MET: variants seen among roughly 807,000 people sequenced by gnomAD.
MET encodes the protein hepatocyte growth factor receptor.
Under a neutral mutation model 133.1 loss-of-function variants are expected in MET, and 48 were observed. The observed-to-expected ratio is 0.36, with a 90% CI of 0.29 to 0.46. The LOEUF is 0.46. Ranked by LOEUF, MET falls within the 20% of genes least tolerant of loss-of-function variation. The probability of loss-of-function intolerance (pLI) is 1.00; values close to 1 mark genes in which losing one functional copy is unlikely to be tolerated. For synonymous variants in MET, 628 were observed against 616.5 expected (o/e 1.02, Z -0.28); for missense variants, 1,442 against 1,695.9 (o/e 0.85, Z 2.63).
At chr7:116,733,785 A>G (rs1193748212) in intron 3 of MET, among the ~76,000 whole-genome samples, 2 of 152,190 alleles carry the variant, frequency 1.3e-5, no homozygotes, top group Non-Finnish European at 2.9e-5. Context: ...TTGCTTTACT[A>G]TACAAACGAA....
At position 116,719,444 on chromosome 7, in the gene MET, A is replaced by G. The variant is rs1435539302; in HGVS notation, c.1201-12224A>G. 3.3e-5 allele frequency among the ~76,000 whole-genome samples: 5 copies of G among 152,036 alleles called. No homozygotes were observed. In the East Asian group the frequency reaches 7.7e-4, roughly 23 times the overall value. ...TTTTCTCCCATTTTGTAGGTTGCCT[A>G]TTCACTCTGATGATAGTTTCTTTTG... On this transcript the variant is annotated intron_variant, in intron 2 of 20. Transcript: ENST00000397752.
chr7:116,721,307 G>T (rs1231575293), intron 2 of MET, among the ~76,000 whole-genome samples: 1 of 152,164 alleles, frequency 6.6e-6, no homozygotes, highest in Non-Finnish European at 1.5e-5. Flanking sequence ...ATGGTAGTTT[G>T]TATTTCTGTG....
chr7:116,693,776 T>G (rs1408191707), intron 1 of MET, among the ~76,000 whole-genome samples: 1 of 152,234 alleles, frequency 6.6e-6, no homozygotes, highest in Non-Finnish European at 1.5e-5. Flanking sequence ...TTCAGCACTC[T>G]GTACAGTATC....
At position 116,699,136 on chromosome 7, in the gene MET, T is replaced by C. The variant is rs1260001540; in HGVS notation, c.52T>C (p.Leu18=). The part of the protein sequence containing the change: ...APGILVLLFT[L]VQRSNGECKE... ...TGGCATCCTCGTGCTCCTGTTTACCTTGGTGCAGAGGAGCAATGGGGAGTG... is the reference window on the plus strand; with the variant it reads ...TGGCATCCTCGTGCTCCTGTTTACCCTGGTGCAGAGGAGCAATGGGGAGTG... Residue 18 remains leucine, a synonymous_variant, in exon 2 of 21, where the codon TTG becomes CTG. Coordinates refer to ENST00000397752, the MANE Select transcript of MET (RefSeq NM_000245.4). 2 of 1,613,876 alleles carry C rather than the reference T, an allele frequency of 1.2e-6. No individual in the cohort carries two copies.
intron 1 of MET, among the ~76,000 whole-genome samples, chr7:116,691,567 C>T (rs1164474296): frequency 6.6e-6 from 1 of 152,060 alleles, no homozygotes; most frequent in Non-Finnish European, 1.5e-5. Flanking sequence ...TACTGGCTCG[C>T]CTTAGCTTAA....
chr7:116,736,177 A>G (rs1793203862), intron 3 of MET, among the ~76,000 whole-genome samples: 1 of 152,198 alleles, frequency 6.6e-6, no homozygotes, highest in African/African-American at 2.4e-5. Flanking sequence ...AGTTATGTCC[A>G]TAACTAAAAA....
At chr7:116,758,828 C>T (rs1794287943) in intron 9 of MET, among the ~76,000 whole-genome samples, 1 of 152,178 alleles carries the variant, frequency 6.6e-6, no homozygotes, top group Admixed American at 6.5e-5. Context: ...CAAGAAGTAT[C>T]TTATCCTGTT....
At chr7:116,787,820 G>C (rs1000114390) in intron 19 of MET, among the ~76,000 whole-genome samples, 4 of 152,202 alleles carry the variant, frequency 2.6e-5, no homozygotes, top group African/African-American at 9.7e-5. Flanking sequence ...CGTAAGAATA[G>C]CTAGCTAATG....
At chr7:116,726,192 A>C (rs1260440133) in intron 2 of MET, among the ~76,000 whole-genome samples, 7 of 128,970 alleles carry the variant, frequency 5.4e-5, no homozygotes, top group South Asian at 2.6e-4. Context: ...ATATAAAACA[A>C]ATACTCATAT....
chr7:116,713,180 G>T (rs953844543), intron 2 of MET, among the ~76,000 whole-genome samples: 1 of 152,130 alleles, frequency 6.6e-6, no homozygotes, highest in African/African-American at 2.4e-5. Context: ...CGGATCACGA[G>T]GTCAGGAGAT....
At chr7:116,768,000 G>A (rs1438708725) in intron 11 of MET, among the ~76,000 whole-genome samples, 3 of 150,374 alleles carry the variant, frequency 2.0e-5, no homozygotes, top group Non-Finnish European at 4.4e-5. Flanking sequence ...GTGTGTGTGT[G>A]TGTGTGTATA....
intron 2 of MET, among the ~76,000 whole-genome samples, chr7:116,705,136 C>T (rs1791738125): frequency 2.6e-5 from 4 of 151,934 alleles, no homozygotes. Flanking sequence ...GAAAAATAAA[C>T]ATACAGTGAT....
intron 17 of MET, 61 bp downstream of exon 17, chr7:116,779,018 A>G: frequency 6.5e-7 from 1 of 1,545,576 alleles, no homozygotes; most frequent in Admixed American, 1.7e-5. Flanking sequence ...ATCCCTTCAA[A>G]ATAGGCCTGC....
intron 2 of MET, among the ~76,000 whole-genome samples, chr7:116,718,712 A>T (rs1195649847): frequency 6.9e-6 from 1 of 144,830 alleles, no homozygotes; most frequent in East Asian, 2.1e-4. Context: ...CTCATTGTTC[A>T]ATTCCCACCT....
chr7:116,746,773 C>T (rs978091867), intron 5 of MET, among the ~76,000 whole-genome samples: 1 of 129,796 alleles, frequency 7.7e-6, no homozygotes, highest in South Asian at 2.9e-4. Context: ...CACACCGGGG[C>T]CTGTTGTGGG....
chr7:116,725,671 A>C (rs1341334839), intron 2 of MET, among the ~76,000 whole-genome samples: 2 of 151,552 alleles, frequency 1.3e-5, no homozygotes, highest in Admixed American at 6.6e-5. Context: ...CCTGTACAGC[A>C]TGTTACTCTG....
intron 1 of MET, among the ~76,000 whole-genome samples, chr7:116,685,375 A>T (rs1340272586): frequency 6.6e-6 from 1 of 152,154 alleles, no homozygotes. Context: ...CTCCACTTAG[A>T]TGCCTAAAAA....
chr7:116,763,364 C>T (rs745448709), intron 11 of MET, 96 bp downstream of exon 11: 25 of 1,064,652 alleles, frequency 2.3e-5, no homozygotes, highest in Non-Finnish European at 3.3e-5. Flanking sequence ...GCCATTGTAT[C>T]TTATACAACA....
intron 19 of MET, among the ~76,000 whole-genome samples, chr7:116,788,471 C>T (rs144248784): frequency 6.6e-6 from 1 of 152,198 alleles, no homozygotes; most frequent in African/African-American, 2.4e-5. Flanking sequence ...AACAATACCC[C>T]CACCTCCCCA....
Sources: gnomAD v4.1 joint callset for allele counts (sites outside exome capture counted in the v4.1 genomes callset) on GRCh38, gnomAD v4.1.1 for gene constraint, MANE v1.5 for transcripts, NCBI Gene and HGNC (gene_info 2026-07-23, HGNC 2026-07-21) for gene names.